Variants in PFDN1 observed in about 807,000 individuals in gnomAD.
PFDN1 encodes prefoldin subunit 1.
Under a neutral mutation model 17.3 loss-of-function variants are expected in PFDN1, and 6 were observed. The ratio of observed to expected loss-of-function variants is 0.35; its 90% CI spans 0.19 to 0.69. The LOEUF (loss-of-function observed/expected upper bound fraction) is 0.69, where lower values mean the gene tolerates loss of function less well. Among genes scored for constraint, PFDN1 ranks in the 30% least tolerant of loss-of-function variants. The pLI, the probability that PFDN1 is intolerant of heterozygous loss-of-function variation, is 0.65. For synonymous variants in PFDN1, 58 were observed against 50.1 expected, an observed-to-expected ratio of 1.16 and a Z score of -0.67; for missense variants, 113 against 146.2, an observed-to-expected ratio of 0.77 and a Z score of 1.17.
intron 3 of PFDN1, among the ~76,000 whole-genome samples, chr5:140,278,308 C>G (rs1266486926): frequency 6.6e-6 from 1 of 151,988 alleles, no homozygotes; most frequent in Non-Finnish European, 1.5e-5. Flanking sequence ...TGGCTCACAC[C>G]TGTAATCCCA....
intron 3 of PFDN1, among the ~76,000 whole-genome samples, chr5:140,252,748 C>G (rs927444449): frequency 1.3e-5 from 2 of 152,026 alleles, no homozygotes; most frequent in African/African-American, 4.8e-5. Context: ...GCAGGGGAAA[C>G]AAGACAAAAA....
intron 3 of PFDN1, among the ~76,000 whole-genome samples, chr5:140,249,130 C>T (rs890724113): frequency 6.6e-6 from 1 of 152,182 alleles, no homozygotes; most frequent in East Asian, 1.9e-4. Flanking sequence ...CATAATCAAA[C>T]CCAGAACAAG....
At chr5:140,284,942 G>C (rs1453909844) in intron 2 of PFDN1, among the ~76,000 whole-genome samples, 1 of 152,274 alleles carries the variant, frequency 6.6e-6, no homozygotes, top group Non-Finnish European at 1.5e-5. Flanking sequence ...AGAAACATCA[G>C]ACTCCGTTTT....
intron 3 of PFDN1, among the ~76,000 whole-genome samples, chr5:140,272,363 A>T (rs1244626698): frequency 2.9e-5 from 4 of 136,840 alleles, no homozygotes; most frequent in Admixed American, 7.4e-5. Flanking sequence ...TGGTAAAACC[A>T]TTTTTTTTTT....
At chr5:140,285,525 G>C (rs1398044105) in intron 2 of PFDN1, among the ~76,000 whole-genome samples, 1 of 151,500 alleles carries the variant, frequency 6.6e-6, no homozygotes, top group Non-Finnish European at 1.5e-5. Context: ...CACTTCCTTA[G>C]TAAGGAAGTG....
intron 3 of PFDN1, among the ~76,000 whole-genome samples, chr5:140,248,302 C>T (rs1342684559): frequency 2.0e-5 from 3 of 152,090 alleles, no homozygotes; most frequent in South Asian, 2.1e-4. Flanking sequence ...CTCCTGACCT[C>T]GTGATCTGCC....
chr5:140,272,363 AT>A (rs34993514), intron 3 of PFDN1, among the ~76,000 whole-genome samples: 46 of 136,804 alleles, frequency 3.4e-4, no homozygotes, highest in Admixed American at 5.2e-4. Context: ...TGGTAAAACC[AT>A]TTTTTTTTTT....
intron 3 of PFDN1, chr5:140,265,610 T>C (rs1298289633): frequency 6.6e-6 from 1 of 151,998 alleles, no homozygotes; most frequent in African/African-American, 2.4e-5. Context: ...AAATTAGTTT[T>C]GGGGGAAAAA....
intron 3 of PFDN1, among the ~76,000 whole-genome samples, chr5:140,269,577 C>T (rs955716515): frequency 6.6e-6 from 1 of 152,164 alleles, no homozygotes; most frequent in African/African-American, 2.4e-5. Flanking sequence ...CCTTGGCCTC[C>T]CAAAATGCTG....
intron 2 of PFDN1, among the ~76,000 whole-genome samples, chr5:140,292,410 C>G (rs186925934): frequency 6.6e-6 from 1 of 152,110 alleles, no homozygotes; most frequent in East Asian, 1.9e-4. Context: ...CACACACATA[C>G]AGGATGCATA....
intron 2 of PFDN1, among the ~76,000 whole-genome samples, chr5:140,290,662 A>C (rs1200685644): frequency 2.0e-5 from 3 of 152,234 alleles, no homozygotes; most frequent in African/African-American, 7.2e-5. Flanking sequence ...AGGATTAAGG[A>C]AGGAGAGGAT....
At chr5:140,291,522 G>A (rs532985548) in intron 2 of PFDN1, among the ~76,000 whole-genome samples, 99 of 152,116 alleles carry the variant, frequency 6.5e-4, no homozygotes, top group Non-Finnish European at 1.2e-3. Flanking sequence ...ATCACATGAA[G>A]ATGTAAAGTA....
At chr5:140,248,172 G>T (rs966984269) in intron 3 of PFDN1, among the ~76,000 whole-genome samples, 7 of 150,552 alleles carry the variant, frequency 4.6e-5, no homozygotes, top group Admixed American at 4.6e-4. Flanking sequence ...GGGTTCACAC[G>T]ATTCTCCCGC....
At chr5:140,280,738 A>G (rs1291467845) in intron 3 of PFDN1, among the ~76,000 whole-genome samples, 1 of 152,198 alleles carries the variant, frequency 6.6e-6, no homozygotes, top group Non-Finnish European at 1.5e-5. Flanking sequence ...CTTGGTCCCT[A>G]AGAAATAACC....
intron 3 of PFDN1, among the ~76,000 whole-genome samples, chr5:140,255,108 G>A (rs184649670): frequency 6.6e-6 from 1 of 152,300 alleles, no homozygotes; most frequent in African/African-American, 2.4e-5. Context: ...TATGTTCATT[G>A]TCTGCTCTCC....
In PFDN1 at chr5:140,302,288, C is replaced by T. The variant is rs1446626494; in HGVS notation, c.33+753G>A. 2.0e-5 allele frequency among the ~76,000 whole-genome samples: 3 copies of T among 152,166 alleles called. No individual in the cohort carries two copies. The South Asian group carries it at 6.2e-4, about 32-fold the overall frequency. On this transcript the variant is annotated intron_variant, in intron 1 of 3. Transcript: ENST00000261813. ...TTCCAATCCACCCCACCGCACAAAG[C>T]ATACTGGTTTGGGGTCATTAGTGGT...
At chr5:140,246,224 C>T (rs1014300292) in intron 3 of PFDN1, among the ~76,000 whole-genome samples, 167 bp from the exon 4 acceptor site, 8 of 152,174 alleles carry the variant, frequency 5.3e-5, no homozygotes, top group Non-Finnish European at 7.3e-5. Flanking sequence ...CCCTCACCTC[C>T]GAACCATGGG....
At chr5:140,289,274 A>G (rs1765545605) in intron 2 of PFDN1, among the ~76,000 whole-genome samples, 1 of 152,108 alleles carries the variant, frequency 6.6e-6, no homozygotes, top group African/African-American at 2.4e-5. Context: ...GAGAAGGAAA[A>G]AAAAAAAAAG....
intron 2 of PFDN1, among the ~76,000 whole-genome samples, chr5:140,292,432 A>G (rs1442166762): frequency 6.6e-6 from 1 of 152,138 alleles, no homozygotes. Context: ...TGTGATCCAA[A>G]TCTTTTTACT....
Sources: allele counts gnomAD v4.1 joint callset (sites outside exome capture counted in the v4.1 genomes callset), GRCh38; gene constraint gnomAD v4.1.1; transcripts MANE v1.5; gene names NCBI Gene and HGNC (gene_info 2026-07-23, HGNC 2026-07-21).